KANK1: variants seen among roughly 807,000 people sequenced by gnomAD.
KANK1 encodes the protein KN motif and ankyrin repeat domains 1.
KANK1 carries 109 observed loss-of-function variants against 106.2 expected under a neutral mutation model. The ratio of observed to expected loss-of-function variants is 1.03; its 90% CI spans 0.88 to 1.20. The LOEUF is 1.20. KANK1 is among the 50% of genes most tolerant of loss of function. KANK1 has a pLI of 0.00. For missense variants in KANK1, 2,399 were observed against 1,710.7 expected, an observed-to-expected ratio of 1.40 and a Z score of -7.10; for synonymous variants, 873 against 652.2, an observed-to-expected ratio of 1.34 and a Z score of -5.16.
chr9:630,293 C>T (rs10815372), intron 1 of KANK1, among the ~76,000 whole-genome samples: 23,391 of 151,054 alleles, frequency 0.15, 1,962 homozygotes, highest in Admixed American at 0.18. Context: ...CGGTGGCTCA[C>T]GCCTGTAATC....
intron 1 of KANK1, among the ~76,000 whole-genome samples, chr9:554,316 A>G (rs1434212106): frequency 6.6e-6 from 1 of 152,200 alleles, no homozygotes; most frequent in African/African-American, 2.4e-5. Flanking sequence ...GTCTGAGGGC[A>G]GGAAAAGATA....
At chr9:490,193 A>G (rs2132288379) in intron 3 of KANK1, among the ~76,000 whole-genome samples, 1 of 152,314 alleles carries the variant, frequency 6.6e-6, no homozygotes, top group South Asian at 2.1e-4. Flanking sequence ...CATTTTAAAT[A>G]CATCTCCACT....
chr9:502,551 T>A (rs1164618614), upstream of KANK1, among the ~76,000 whole-genome samples: 3 of 122,626 alleles, frequency 2.4e-5, no homozygotes, highest in African/African-American at 4.8e-5. Flanking sequence ...TTTCTTAGAG[T>A]CGTGCTCTGT....
chr9:705,347 G>A (rs1479213895), intron 2 of KANK1, among the ~76,000 whole-genome samples: 6 of 152,150 alleles, frequency 3.9e-5, no homozygotes, highest in Middle Eastern at 3.4e-3. Context: ...GTAGCTGGGC[G>A]TGGTGGCACA....
chr9:541,651 G>C (rs1021937928), intron 1 of KANK1, among the ~76,000 whole-genome samples: 6 of 152,020 alleles, frequency 3.9e-5, no homozygotes, highest in African/African-American at 1.4e-4. Context: ...ATTCTGCATA[G>C]AAAAGGAAAC....
chr9:527,453 C>T (rs986638448), intron 1 of KANK1, among the ~76,000 whole-genome samples: 1 of 151,606 alleles, frequency 6.6e-6, no homozygotes, highest in Non-Finnish European at 1.5e-5. Context: ...AGGCAGGCGC[C>T]AACACACCCA....
intron 1 of KANK1, chr9:540,752 T>C (rs2060551129): frequency 6.6e-6 from 1 of 152,208 alleles, no homozygotes; most frequent in South Asian, 2.1e-4. Flanking sequence ...TTGGTGTAAG[T>C]TGTATGTTTC....
intron 1 of KANK1, among the ~76,000 whole-genome samples, chr9:542,973 G>A (rs1281051006): frequency 6.6e-6 from 1 of 152,166 alleles, no homozygotes; most frequent in Non-Finnish European, 1.5e-5. Context: ...CTATTGTACA[G>A]TGTGGTGACT....
At position 712,297 on chromosome 9, in the gene KANK1, G is replaced by A. The variant is rs1826359777; in HGVS notation, c.1531G>A (p.Val511Ile). 2 of 1,614,104 alleles carry A rather than the reference G, an allele frequency of 1.2e-6. No individual in the cohort carries two copies. Among genetic ancestry groups the A allele is most frequent in the Non-Finnish European group, 1.7e-6 (2 of 1,180,052 alleles). The change falls in exon 3 of 12, where the codon GTT becomes ATT. Residue 511 changes from valine (V) to isoleucine (I), a missense_variant. Physicochemically the swap from Val to Ile is conservative, Grantham distance 29. Transcript: ENST00000382297. ...CAAAGCCACGATGGCCCAGCCGCTT[G>A]TTTTCAGTAAGGTGGTGGAGGCAGT... is the stretch of plus-strand genomic sequence containing the variant. ...VDKATMAQPL[V>I]FSKVVEAVVQ... is the part of the protein sequence containing the mutation.
chr9:512,964 A>G (rs2059101764), intron 1 of KANK1, among the ~76,000 whole-genome samples: 1 of 152,136 alleles, frequency 6.6e-6, no homozygotes, highest in African/African-American at 2.4e-5. Context: ...TCCATTCTTT[A>G]CCAGGCCGTA....
chr9:648,658 G>C (rs189199259), intron 1 of KANK1, among the ~76,000 whole-genome samples: 83 of 152,302 alleles, frequency 5.4e-4, no homozygotes, highest in Non-Finnish European at 2.9e-4. Context: ...TAATAAGTGC[G>C]GTTGCAGAAT....
intron 1 of KANK1, among the ~76,000 whole-genome samples, chr9:516,970 A>C (rs1406570365): frequency 7.1e-6 from 1 of 141,440 alleles, no homozygotes; most frequent in Non-Finnish European, 1.5e-5. Flanking sequence ...TGTGCATCTG[A>C]GTGTGGTTTC....
intron 1 of KANK1, among the ~76,000 whole-genome samples, chr9:643,439 C>T (rs1187819701): frequency 6.6e-6 from 1 of 150,386 alleles, no homozygotes; most frequent in Non-Finnish European, 1.5e-5. Context: ...TAATACCTAC[C>T]CAAAATTTTG....
intron 1 of KANK1, among the ~76,000 whole-genome samples, chr9:646,477 T>C (rs1688117720): frequency 6.6e-6 from 1 of 151,074 alleles, no homozygotes; most frequent in South Asian, 2.1e-4. Flanking sequence ...TTATATCTTC[T>C]GTATTCCTCT....
At chr9:501,837 G>A (rs1453866468), upstream of KANK1, among the ~76,000 whole-genome samples, 2 of 152,176 alleles carry the variant, frequency 1.3e-5, no homozygotes, top group Non-Finnish European at 2.9e-5. Flanking sequence ...ATAGGCACAA[G>A]CGCCCAGCCT....
At chr9:601,342 A>G (rs1186285402) in intron 1 of KANK1, among the ~76,000 whole-genome samples, 2 of 151,870 alleles carry the variant, frequency 1.3e-5, no homozygotes, top group South Asian at 2.1e-4. Flanking sequence ...TTTATGTTCC[A>G]TGATCCAATC....
intron 1 of KANK1, among the ~76,000 whole-genome samples, chr9:630,880 G>T (rs530313940): frequency 2.6e-5 from 4 of 152,182 alleles, no homozygotes; most frequent in Admixed American, 6.5e-5. Context: ...ACTTGAACCC[G>T]GGATGTAGAG....
intron 1 of KANK1, among the ~76,000 whole-genome samples, chr9:575,820 C>A (rs1030414421): frequency 3.9e-5 from 6 of 152,174 alleles, no homozygotes; most frequent in African/African-American, 1.4e-4. Flanking sequence ...GTCAGGAGTT[C>A]AAGACCAGCC....
intron 1 of KANK1, among the ~76,000 whole-genome samples, chr9:636,059 TATTCTC>T (rs1172470957): frequency 2.6e-5 from 4 of 152,288 alleles, no homozygotes; most frequent in African/African-American, 9.6e-5. Flanking sequence ...GTTTTTCTGA[TATTCTC>T]AGACAAATAA....
Sources: allele counts gnomAD v4.1 joint callset (sites outside exome capture counted in the v4.1 genomes callset), GRCh38; gene constraint gnomAD v4.1.1; transcripts MANE v1.5; gene names NCBI Gene and HGNC (gene_info 2026-07-23, HGNC 2026-07-21).